Variants in MYO1H observed in about 807,000 individuals in gnomAD.
MYO1H encodes the protein myosin IH.
A neutral mutation model predicts 149.3 loss-of-function variants in MYO1H; 118 were observed. The observed-to-expected ratio is 0.79, with a 90% CI of 0.68 to 0.92. MYO1H has a LOEUF of 0.92. Among genes scored for constraint, MYO1H ranks in the 40% least tolerant of loss-of-function variants. The pLI is 0.00. For missense variants in MYO1H, 1,212 were observed against 1,280.7 expected (o/e 0.95, Z 0.82); for synonymous variants, 447 against 465.2 (o/e 0.96, Z 0.50).
the MYO1H span, among the ~76,000 whole-genome samples, chr12:109,329,521 G>T: frequency 6.6e-6 from 1 of 152,264 alleles, no homozygotes; most frequent in South Asian, 2.1e-4. Flanking sequence ...GTGCTGAGAT[G>T]AATTTTTGAC....
intron 8 of MYO1H, 105 bp from the exon 9 acceptor site, chr12:109,406,684 A>C: frequency 9.5e-7 from 1 of 1,055,148 alleles, no homozygotes; most frequent in Non-Finnish European, 1.4e-6. Flanking sequence ...TTGTGCCACC[A>C]CATTCCCACC....
At chr12:109,318,974 T>TTTTTTTTTTTTTTTTTTTTTTTA in the MYO1H span, among the ~76,000 whole-genome samples, 1 of 83,406 alleles carries the variant, frequency 1.2e-5, no homozygotes, top group African/African-American at 6.4e-5. Flanking sequence ...TTGGTTTTGT[T>TTTTTTTTTTTTTTTTTTTTTTTA]TTTTTTTTTT....
intron 19 of MYO1H, among the ~76,000 whole-genome samples, chr12:109,430,439 C>T (rs763977225): frequency 1.3e-5 from 2 of 152,136 alleles, no homozygotes; most frequent in East Asian, 1.9e-4. Context: ...GCTGGTATTG[C>T]GCAAGGTCTG....
chr12:109,337,941 A>T, the MYO1H span, among the ~76,000 whole-genome samples: 2 of 152,146 alleles, frequency 1.3e-5, no homozygotes, highest in Non-Finnish European at 2.9e-5. Context: ...GTATATGTGG[A>T]TCTCTACATA....
intron 1 of MYO1H, among the ~76,000 whole-genome samples, chr12:109,379,802 A>G (rs1869165180): frequency 7.4e-6 from 1 of 135,240 alleles, no homozygotes; most frequent in African/African-American, 2.9e-5. Context: ...GAGCAATCTC[A>G]GCTCACTGCA....
At chr12:109,361,571 C>T (rs1328356077) in intron 1 of MYO1H, among the ~76,000 whole-genome samples, 3 of 152,082 alleles carry the variant, frequency 2.0e-5, no homozygotes, top group Non-Finnish European at 2.9e-5. Flanking sequence ...TTTGGGAGGC[C>T]GAGGCAGGCA....
At chr12:109,433,619 A>G (rs755370841) in intron 20 of MYO1H, among the ~76,000 whole-genome samples, 2 of 152,148 alleles carry the variant, frequency 1.3e-5, no homozygotes, top group Non-Finnish European at 2.9e-5. Flanking sequence ...CACTCCAGAG[A>G]GCTCTGCCTG....
the MYO1H span, among the ~76,000 whole-genome samples, chr12:109,326,759 A>G: frequency 0.012 from 1,809 of 152,054 alleles, 36 homozygotes; most frequent in African/African-American, 0.042. Flanking sequence ...GCTTCAAGCA[A>G]TTCATCCACC....
intron 19 of MYO1H, among the ~76,000 whole-genome samples, chr12:109,429,208 A>AAACG (rs1871506847): frequency 2.9e-5 from 1 of 35,070 alleles, no homozygotes; most frequent in African/African-American, 2.0e-4. Flanking sequence ...CTCTGTATCA[A>AAACG]AACAAACAAA....
chr12:109,423,478 A>G (rs540776661), intron 16 of MYO1H, among the ~76,000 whole-genome samples: 4 of 152,304 alleles, frequency 2.6e-5, no homozygotes, highest in Non-Finnish European at 4.4e-5. Context: ...TAATCATTTT[A>G]AAGTGTACAG....
chr12:109,327,124 TTTTCTTTTTC>T, the MYO1H span, among the ~76,000 whole-genome samples: 10 of 131,044 alleles, frequency 7.6e-5, no homozygotes, highest in African/African-American at 2.4e-4. Flanking sequence ...TTCTTTTTCT[TTTTCTTTTTC>T]TTTTTTTTTT....
chr12:109,333,273 C>T, the MYO1H span, among the ~76,000 whole-genome samples: 1 of 152,166 alleles, frequency 6.6e-6, no homozygotes, highest in South Asian at 2.1e-4. Context: ...TGAGCTGAGA[C>T]CGCACCATCG....
chr12:109,409,772 C>A, intron 11 of MYO1H, 148 bp downstream of exon 11: 1 of 763,484 alleles, frequency 1.3e-6, no homozygotes, highest in Non-Finnish European at 2.2e-6. Flanking sequence ...ACAGACCATC[C>A]TAGATGTGGA....
At chr12:109,399,128 G>A (rs1453155311) in intron 5 of MYO1H, among the ~76,000 whole-genome samples, 2 of 152,202 alleles carry the variant, frequency 1.3e-5, no homozygotes, top group Non-Finnish European at 2.9e-5. Flanking sequence ...TGGGATGTGG[G>A]CCTCTGGTGG....
Position 109,350,997 on chromosome 12 carries a change from A to G in MYO1H, c.12+3025A>G, listed in dbSNP as rs575096424. Among the ~76,000 whole-genome samples, 17 of 26,716 alleles carry G rather than the reference A, an allele frequency of 6.4e-4. No homozygotes were observed. In the East Asian group the frequency reaches 0.01, roughly 16 times the overall value. The allele number at this position is 26,716 out of a possible 152,430, so 17.5% of individuals were successfully genotyped here. On this transcript the variant is annotated intron_variant, in intron 1 of 31. Coordinates refer to ENST00000310903, the Ensembl canonical transcript of MYO1H. ...GTAGATTTATGGAACAACCACCATC[A>G]GTAATTATTTTTACCCTGAGTGTCA...
Position 109,434,967 on chromosome 12 carries a change from G to A in MYO1H, c.2064-70G>A, listed in dbSNP as rs542402826. On this transcript the variant is annotated intron_variant, in intron 20 of 31. Coordinates refer to ENST00000310903, the Ensembl canonical transcript of MYO1H. ...TCTGAGTGGAAATGAATTTTTGAAGGGGGCACCGTTCAACCCACTAGATGG... is the reference window on the plus strand; with the variant it reads ...TCTGAGTGGAAATGAATTTTTGAAGAGGGCACCGTTCAACCCACTAGATGG... 8.1e-6 allele frequency: 7 copies of A among 863,176 alleles called. No homozygotes were observed. In the East Asian group the frequency reaches 1.3e-4, roughly 15 times the overall value. The allele number at this position is 863,176 out of a possible 1,614,324, so 53.5% of individuals were successfully genotyped here.
At chr12:109,411,949 T>G in exon 14 of MYO1H, 1 of 1,605,810 alleles carries the variant, frequency 6.2e-7, no homozygotes, top group Non-Finnish European at 8.5e-7. Context: ...CTGGAGAAAT[T>G]GGAAGAGAAA....
At chr12:109,328,607 TC>T in the MYO1H span, among the ~76,000 whole-genome samples, 2 of 152,230 alleles carry the variant, frequency 1.3e-5, no homozygotes, top group African/African-American at 4.8e-5. Context: ...CCTTTCCCCT[TC>T]TGCATTTCAT....
At chr12:109,326,656 G>C in the MYO1H span, among the ~76,000 whole-genome samples, 1 of 151,948 alleles carries the variant, frequency 6.6e-6, no homozygotes. Context: ...TGAGTAGCCG[G>C]GATTACAGGC....
Sources: allele counts gnomAD v4.1 joint callset (sites outside exome capture counted in the v4.1 genomes callset), GRCh38; gene constraint gnomAD v4.1.1; transcripts MANE v1.5; gene names NCBI Gene and HGNC (gene_info 2026-07-23, HGNC 2026-07-21).